The following TSNARE1 variants were observed in gnomAD, a reference collection of about 807,000 sequenced individuals.
TSNARE1 encodes t-SNARE domain containing 1.
TSNARE1 carries 49 observed loss-of-function variants against 62.0 expected under a neutral mutation model. The ratio of observed to expected loss-of-function variants is 0.79; its 90% confidence interval spans 0.63 to 1.00. The LOEUF is 1.00. Ranked by LOEUF, TSNARE1 falls within the 50% of genes least tolerant of loss-of-function variation. TSNARE1 has a pLI of 0.00. For synonymous variants in TSNARE1, 328 were observed against 294.4 expected, an observed-to-expected ratio of 1.11 and a Z score of -1.17; for missense variants, 755 against 700.1, an observed-to-expected ratio of 1.08 and a Z score of -0.88.
intron 1 of TSNARE1, among the ~76,000 whole-genome samples, chr8:142,374,134 T>G (rs1381517337): frequency 6.6e-6 from 1 of 151,884 alleles, no homozygotes; most frequent in Non-Finnish European, 1.5e-5. Context: ...TGAAACCCCG[T>G]CTCTACTAAA....
intron 10 of TSNARE1, among the ~76,000 whole-genome samples, chr8:142,288,668 G>A (rs1203320952): frequency 6.6e-6 from 1 of 152,270 alleles, no homozygotes; most frequent in Non-Finnish European, 1.5e-5. Context: ...CGCAGACAGA[G>A]GAGCTGGTGG....
rs975656350 is a variant in TSNARE1 at position 142,277,392 on chromosome 8, AC to A, written c.1364-2530del. On this transcript the variant is annotated intron_variant, in intron 11 of 13. Transcript: ENST00000524325. The stretch of plus-strand genomic sequence containing the variant: ...CAGGGCACAGGGACCCCTGTGGGAG[AC>A]CCCCCTGCACTGGGTCAACTCGCTG... 6.0e-5 allele frequency: 59 copies of A among 984,600 alleles called. No individual in the cohort carries two copies. The South Asian group carries it at 2.2e-3, about 37-fold the overall frequency. 61.0% of individuals were successfully genotyped at this position (984,600 alleles called of 1,614,324 possible).
chr8:142,233,879 C>T (rs1245200629), intron 12 of TSNARE1, among the ~76,000 whole-genome samples: 4 of 152,134 alleles, frequency 2.6e-5, no homozygotes, highest in African/African-American at 9.7e-5. Flanking sequence ...TCCGCCTGTA[C>T]AGAACCAGCC....
chr8:142,296,300 GT>G (rs1824717370), intron 10 of TSNARE1, among the ~76,000 whole-genome samples: 1 of 67,968 alleles, frequency 1.5e-5, no homozygotes, highest in African/African-American at 6.8e-5. Flanking sequence ...GGGGGAGGGG[GT>G]GGTGACTGTC....
At chr8:142,273,737 C>T in intron 12 of TSNARE1, 1 of 985,414 alleles carries the variant, frequency 1.0e-6, no homozygotes, top group Non-Finnish European at 1.2e-6. Flanking sequence ...TGGGGAAGCT[C>T]AAGGCAGCCC....
intron 12 of TSNARE1, among the ~76,000 whole-genome samples, chr8:142,249,567 C>T (rs929068402): frequency 6.6e-6 from 1 of 152,218 alleles, no homozygotes; most frequent in Non-Finnish European, 1.5e-5. Flanking sequence ...GCGGAGGCAG[C>T]GGTTTCAAGC....
chr8:142,270,548 T>C (rs1819439847), intron 12 of TSNARE1: 2 of 984,508 alleles, frequency 2.0e-6, no homozygotes, highest in South Asian at 4.7e-5. Flanking sequence ...ATTCCAGGCA[T>C]ATGGGATGTG....
chr8:142,368,221 T>C (rs1278864484), intron 1 of TSNARE1, among the ~76,000 whole-genome samples: 1 of 150,360 alleles, frequency 6.7e-6, no homozygotes, highest in Non-Finnish European at 1.5e-5. Flanking sequence ...ACGAATATTA[T>C]CCTTAACATA....
At chr8:142,309,199 T>C (rs12717833) in intron 9 of TSNARE1, among the ~76,000 whole-genome samples, 35,130 of 152,132 alleles carry the variant, frequency 0.23, 4,607 homozygotes, top group African/African-American at 0.35. Flanking sequence ...GGATTTTCCA[T>C]GGACATAATC....
intron 9 of TSNARE1, among the ~76,000 whole-genome samples, chr8:142,304,155 G>C (rs1387829690): frequency 6.6e-6 from 1 of 152,248 alleles, no homozygotes; most frequent in East Asian, 1.9e-4. Context: ...CTGTTGACAA[G>C]CGCAACTCGT....
intron 12 of TSNARE1, among the ~76,000 whole-genome samples, chr8:142,238,258 T>G (rs1400712878): frequency 6.6e-6 from 1 of 152,152 alleles, no homozygotes; most frequent in Non-Finnish European, 1.5e-5. Flanking sequence ...CTGGCCCCTC[T>G]GCAGGCAGCA....
In TSNARE1 at chr8:142,284,482, T is replaced by C. The variant is rs1301068912; in HGVS notation, c.1294A>G (p.Asn432Asp). The change falls in exon 11 of 14, where the codon AAC becomes GAC. Residue 432 changes from asparagine to aspartate, a missense_variant. Coordinates refer to ENST00000524325, the MANE Select transcript of TSNARE1 (RefSeq NM_145003.5). ...REEAILQMES[N>D]LLDVNQIIKD... ...ATGATCTGATTCACATCCAGCAAGT[T>C]GCTCTGTGGAAACAACATAGAACCA... The C allele has an allele frequency of 3.1e-6, 5 of 1,613,610 alleles. No individual in the cohort carries two copies. The highest frequency in any genetic ancestry group is 1.3e-5 in the African/African-American group (1 of 75,030).
At chr8:142,340,719 G>A (rs1223461522) in intron 4 of TSNARE1, among the ~76,000 whole-genome samples, 2 of 152,192 alleles carry the variant, frequency 1.3e-5, no homozygotes, top group East Asian at 1.9e-4. Context: ...ATCCCCTCTC[G>A]ACCTCAGCCT....
At chr8:142,373,267 G>C (rs1418722912) in intron 1 of TSNARE1, among the ~76,000 whole-genome samples, 1 of 152,142 alleles carries the variant, frequency 6.6e-6, no homozygotes, top group African/African-American at 2.4e-5. Flanking sequence ...GGTGCAACCT[G>C]GGCTACGGCC....
chr8:142,399,890 G>A (rs1465835587), intron 1 of TSNARE1, among the ~76,000 whole-genome samples: 1 of 152,170 alleles, frequency 6.6e-6, no homozygotes, highest in Non-Finnish European at 1.5e-5. Flanking sequence ...AAACGCCCGT[G>A]TGCATTAAAA....
At chr8:142,286,063 C>G (rs1001711577) in intron 10 of TSNARE1, among the ~76,000 whole-genome samples, 4 of 152,190 alleles carry the variant, frequency 2.6e-5, no homozygotes, top group Admixed American at 2.0e-4. Context: ...GATGCCCACT[C>G]CTTCCCTGAC....
At chr8:142,216,984 C>T (rs1281851844) in intron 13 of TSNARE1, among the ~76,000 whole-genome samples, 2 of 152,170 alleles carry the variant, frequency 1.3e-5, no homozygotes, top group Admixed American at 6.5e-5. Context: ...TGGCTCACAC[C>T]TGTAATCCCA....
chr8:142,398,555 G>T (rs1432991987), intron 1 of TSNARE1, among the ~76,000 whole-genome samples: 1 of 152,086 alleles, frequency 6.6e-6, no homozygotes, highest in Non-Finnish European at 1.5e-5. Context: ...ACCTTGCTCT[G>T]TAAGGTGCCC....
chr8:142,254,356 A>G (rs972163329), intron 12 of TSNARE1, among the ~76,000 whole-genome samples: 1 of 152,104 alleles, frequency 6.6e-6, no homozygotes, highest in Non-Finnish European at 1.5e-5. Flanking sequence ...TGCTGTCTGC[A>G]GAAGACATCC....
Sources: gnomAD v4.1 joint callset for allele counts (sites outside exome capture counted in the v4.1 genomes callset) on GRCh38, gnomAD v4.1.1 for gene constraint, MANE v1.5 for transcripts, NCBI Gene and HGNC (gene_info 2026-07-23, HGNC 2026-07-21) for gene names.